Variants in PCED1B observed in about 807,000 individuals in gnomAD.
PCED1B encodes PC-esterase domain-containing protein 1B.
For missense variants in PCED1B, 573 were observed against 573.9 expected, an observed-to-expected ratio of 1.00 and a Z score of 0.02; for synonymous variants, 251 against 246.1, an observed-to-expected ratio of 1.02 and a Z score of -0.19.
At chr12:47,124,056 A>G (rs969123536) in intron 2 of PCED1B, among the ~76,000 whole-genome samples, 4 of 152,054 alleles carry the variant, frequency 2.6e-5, no homozygotes, top group African/African-American at 7.2e-5. Flanking sequence ...AACTGCACAT[A>G]AAATATCTAA....
intron 2 of PCED1B, among the ~76,000 whole-genome samples, chr12:47,127,862 T>C (rs931969224): frequency 6.6e-6 from 1 of 152,214 alleles, no homozygotes; most frequent in Non-Finnish European, 1.5e-5. Context: ...TCAGGTCAAA[T>C]TGATTGATAG....
intron 2 of PCED1B, among the ~76,000 whole-genome samples, chr12:47,154,766 GGTGTGTGTGTGCATGTGTGTGTGT>G (rs1941132183): frequency 7.9e-6 from 1 of 126,358 alleles, no homozygotes; most frequent in Non-Finnish European, 1.6e-5. Flanking sequence ...AGGACAGAGG[GGTGTGTGTGTGCATGTGTGTGTGT>G]GTGTGTGTGT....
intron 2 of PCED1B, among the ~76,000 whole-genome samples, chr12:47,165,058 G>T (rs1038308589): frequency 1.3e-5 from 2 of 152,194 alleles, no homozygotes; most frequent in South Asian, 2.1e-4. Context: ...GCCTGCCCAG[G>T]TACTGCTTGA....
chr12:47,173,417 C>A (rs976354764), intron 2 of PCED1B, among the ~76,000 whole-genome samples: 1 of 152,096 alleles, frequency 6.6e-6, no homozygotes, highest in African/African-American at 2.4e-5. Flanking sequence ...CCACGCCCAG[C>A]TAATTTTTGT....
intron 2 of PCED1B, among the ~76,000 whole-genome samples, chr12:47,139,126 G>T (rs535807774): frequency 6.6e-6 from 1 of 152,122 alleles, no homozygotes; most frequent in South Asian, 2.1e-4. Flanking sequence ...TGACATAATA[G>T]GTACTTACGA....
intron 3 of PCED1B, among the ~76,000 whole-genome samples, chr12:47,219,520 T>C (rs992621942): frequency 3.3e-5 from 5 of 152,302 alleles, no homozygotes; most frequent in Non-Finnish European, 5.9e-5. Context: ...TTTTCATCCA[T>C]GGGAACTTTT....
intron 2 of PCED1B, among the ~76,000 whole-genome samples, chr12:47,128,969 G>T (rs1328633417): frequency 6.6e-6 from 1 of 152,156 alleles, no homozygotes; most frequent in African/African-American, 2.4e-5. Context: ...AATAGTCCTG[G>T]GTGGTCTGGC....
intron 3 of PCED1B, among the ~76,000 whole-genome samples, chr12:47,223,163 G>A (rs758889398): frequency 6.6e-6 from 1 of 152,134 alleles, no homozygotes; most frequent in Non-Finnish European, 1.5e-5. Context: ...CAGAGAAAGA[G>A]AAACCCTCAA....
chr12:47,143,570 A>C (rs1282300337), intron 2 of PCED1B, among the ~76,000 whole-genome samples: 1 of 152,228 alleles, frequency 6.6e-6, no homozygotes, highest in African/African-American at 2.4e-5. Flanking sequence ...CATTGATGAA[A>C]GAAATAAGGA....
chr12:47,184,694 A>G lies in PCED1B; in HGVS notation c.-525-31528A>G, dbSNP rs1416575105. Among the ~76,000 whole-genome samples the G allele has an allele frequency of 3.3e-5, 5 of 152,112 alleles. No individual in the cohort carries two copies. In the East Asian group the frequency reaches 9.6e-4, roughly 29 times the overall value. Reference sequence around the variant, plus strand: ...AAAAAAAAAAAATTACAATCTACAAATACCGTCATTTCATAAAAGAAAGGA... The same window carrying G: ...AAAAAAAAAAAATTACAATCTACAAGTACCGTCATTTCATAAAAGAAAGGA... On this transcript the variant is annotated intron_variant, in intron 2 of 3. Coordinates refer to ENST00000546455, the MANE Select transcript of PCED1B (RefSeq NM_138371.3).
chr12:47,094,765 G>A (rs1165885655), intron 1 of PCED1B, among the ~76,000 whole-genome samples: 17 of 151,822 alleles, frequency 1.1e-4, no homozygotes, highest in Admixed American at 1.1e-3. Flanking sequence ...TACTACAAAC[G>A]ACGTTATAAT....
chr12:47,123,047 G>A (rs919221774), intron 2 of PCED1B, among the ~76,000 whole-genome samples: 1 of 152,150 alleles, frequency 6.6e-6, no homozygotes, highest in Non-Finnish European at 1.5e-5. Flanking sequence ...AGGTTAGAAC[G>A]AAGAATTATT....
intron 2 of PCED1B, chr12:47,135,737 G>A (rs993940692): frequency 1.4e-4 from 73 of 530,626 alleles, no homozygotes; most frequent in East Asian, 3.7e-4. Flanking sequence ...CGACATGGTC[G>A]GGCACGGAGG....
chr12:47,178,866 C>CAAAA (rs35135157), intron 2 of PCED1B, among the ~76,000 whole-genome samples: 1 of 81,288 alleles, frequency 1.2e-5, no homozygotes, highest in Non-Finnish European at 2.5e-5. Flanking sequence ...GACTCCATCT[C>CAAAA]AAAAAAAAAA....
rs1239858979 is a variant in PCED1B, at chr12:47,235,723, C to T, written c.660C>T (p.His220=). 1.2e-6 allele frequency: 2 copies of T among 1,610,578 alleles called. No homozygotes were observed. The highest frequency in any genetic ancestry group is 1.1e-5 in the South Asian group (1 of 90,508). ...DVLDLHFHFR[H]ARENLHWDGV... Reference sequence around the variant, plus strand: ...TGGACTTGCATTTCCACTTCCGCCACGCGAGGGAGAACCTGCACTGGGACG... The same window carrying T: ...TGGACTTGCATTTCCACTTCCGCCATGCGAGGGAGAACCTGCACTGGGACG... The change falls in exon 4 of 4, where the codon CAC becomes CAT. Residue 220 remains histidine (H), a synonymous_variant. Transcript: ENST00000546455.
In PCED1B at chr12:47,171,866, C is replaced by A. The variant is rs28658042; in HGVS notation, c.-525-44356C>A. 2.3e-4 allele frequency among the ~76,000 whole-genome samples: 34 copies of A among 147,806 alleles called. 1 individual carries two copies. The highest frequency in any genetic ancestry group is 7.0e-3 in the Middle Eastern group (2 of 284). ...GCTGCTTCTTTCTTCTTCTTCTTCTCCTTCTTCTTCTTTTCTTCTTCTTCT... is the reference window on the plus strand; with the variant it reads ...GCTGCTTCTTTCTTCTTCTTCTTCTACTTCTTCTTCTTTTCTTCTTCTTCT... On this transcript the variant is annotated intron_variant, in intron 2 of 3. Transcript: ENST00000546455.
In PCED1B at chr12:47,236,185, G is replaced by T; in HGVS notation, c.1122G>T (p.Met374Ile). ...GTTTCTTCGTCGAAGACAATTTTAT[G>T]GTTGGTCCTCAGCTGCCTATGCCCT... ...HAGFFVEDNF[M>I]VGPQLPMPFF... Residue 374 changes from methionine to isoleucine, a missense_variant, in exon 4 of 4, where the codon ATG (methionine) becomes ATT (isoleucine). Met to Ile is a conservative substitution (Grantham distance 10, BLOSUM62 1). Transcript: ENST00000546455. 1 of 1,614,100 alleles carries T rather than the reference G, an allele frequency of 6.2e-7. No individual in the cohort carries two copies. Among genetic ancestry groups the T allele is most frequent in the Non-Finnish European group, 8.5e-7 (1 of 1,180,020 alleles).
At chr12:47,193,837 T>A (rs1265172218) in intron 2 of PCED1B, among the ~76,000 whole-genome samples, 1 of 152,244 alleles carries the variant, frequency 6.6e-6, no homozygotes, top group Non-Finnish European at 1.5e-5. Context: ...TATTTCAGGG[T>A]GTCTGCCATT....
chr12:47,232,421 C>A lies in PCED1B; in HGVS notation c.-57-2586C>A, dbSNP rs117488494. On this transcript the variant is annotated intron_variant, in intron 3 of 3. Transcript: ENST00000546455. Reference sequence around the variant, plus strand: ...TAATATTTTCATTTTTGTATTTATACCCATTTAAAACTACAAATAGGATAT... The same window carrying A: ...TAATATTTTCATTTTTGTATTTATAACCATTTAAAACTACAAATAGGATAT... Among the ~76,000 whole-genome samples the A allele has an allele frequency of 5.5e-3, 840 of 152,172 alleles. 15 individuals are homozygous for A. In the East Asian group the frequency reaches 0.065, roughly 12 times the overall value.
Sources: allele counts gnomAD v4.1 joint callset (sites outside exome capture counted in the v4.1 genomes callset), GRCh38; gene constraint gnomAD v4.1.1; transcripts MANE v1.5; gene names NCBI Gene and HGNC (gene_info 2026-07-23, HGNC 2026-07-21).